The following XIRP2 variants were observed in gnomAD, a reference collection of about 807,000 sequenced individuals.
The protein encoded by XIRP2 is xin actin binding repeat containing 2, also known as xin actin-binding repeat-containing protein 2.
Under a neutral mutation model 277.0 loss-of-function variants are expected in XIRP2, and 236 were observed. The observed-to-expected ratio is 0.85, with a 90% CI of 0.77 to 0.95. XIRP2 has a LOEUF of 0.95. Ranked by LOEUF, XIRP2 falls within the 40% of genes least tolerant of loss-of-function variation. The probability of loss-of-function intolerance (pLI) is 0.00; values close to 1 mark genes in which losing one functional copy is unlikely to be tolerated. For missense variants in XIRP2, 4,640 were observed against 4,157.5 expected (o/e 1.12, Z -3.19); for synonymous variants, 1,490 against 1,416.5 (o/e 1.05, Z -1.17).
At chr2:166,934,826 G>C (rs1455272316) in intron 2 of XIRP2, among the ~76,000 whole-genome samples, 1 of 151,576 alleles carries the variant, frequency 6.6e-6, no homozygotes, top group Admixed American at 6.6e-5. Context: ...GGCCAGCACG[G>C]AGAAGCACTG....
chr2:167,219,179 ATTAT>A (rs1253626641), intron 5 of XIRP2, among the ~76,000 whole-genome samples: 3 of 152,176 alleles, frequency 2.0e-5, no homozygotes, highest in African/African-American at 4.8e-5. Context: ...TATGTGAAAG[ATTAT>A]TTGTTTCCTT....
At chr2:166,915,971 C>T (rs996092214) in intron 2 of XIRP2, among the ~76,000 whole-genome samples, 2 of 152,124 alleles carry the variant, frequency 1.3e-5, no homozygotes, top group Non-Finnish European at 2.9e-5. Context: ...TTGATTTAAT[C>T]TATTGCATAA....
chr2:167,180,757 C>A (rs1692987450), intron 3 of XIRP2, among the ~76,000 whole-genome samples: 1 of 152,150 alleles, frequency 6.6e-6, no homozygotes, highest in African/African-American at 2.4e-5. Flanking sequence ...CTTTATTCTA[C>A]CTTGTCCACT....
intron 4 of XIRP2, among the ~76,000 whole-genome samples, chr2:167,211,777 A>G (rs1694054054): frequency 6.6e-6 from 1 of 152,206 alleles, no homozygotes; most frequent in African/African-American, 2.4e-5. Context: ...ACTCTGCTAA[A>G]CCAATTATGA....
chr2:167,034,803 G>T (rs928915073), intron 2 of XIRP2, among the ~76,000 whole-genome samples: 9 of 152,156 alleles, frequency 5.9e-5, no homozygotes, highest in Non-Finnish European at 1.3e-4. Context: ...ATTATTTGTG[G>T]TAAAGAGATT....
rs1190305174 is a variant in XIRP2, at chr2:167,239,908, A to G, written c.912A>G (p.Ala304=). 1.9e-6 allele frequency: 3 copies of G among 1,609,138 alleles called. No homozygotes were observed. The South Asian group carries it at 3.3e-5, about 18-fold the overall frequency. Residue 304 remains alanine (A), a synonymous_variant, in exon 6 of 11, where the codon GCA becomes GCG. Transcript: ENST00000409195. ...VGTSRSSQEM[A]RNEQEGSKVQ... is the part of the protein sequence containing the mutation. ...CTTCAAGAAGCAGCCAGGAAATGGC[A>G]AGAAATGAACAAGAAGGGTCCAAAG...
chr2:167,167,326 A>C (rs150099908), intron 3 of XIRP2, among the ~76,000 whole-genome samples: 129 of 152,298 alleles, frequency 8.5e-4, no homozygotes, highest in African/African-American at 2.9e-3. Flanking sequence ...GACCACTGAC[A>C]TTCAAAGTGA....
chr2:167,005,262 G>C (rs551037454), intron 2 of XIRP2, among the ~76,000 whole-genome samples: 1 of 151,912 alleles, frequency 6.6e-6, no homozygotes, highest in East Asian at 1.9e-4. Context: ...GAAGAAACAA[G>C]AATATATTTT....
At chr2:167,135,078 C>T (rs1691504710) in intron 2 of XIRP2, among the ~76,000 whole-genome samples, 1 of 152,136 alleles carries the variant, frequency 6.6e-6, no homozygotes, top group Non-Finnish European at 1.5e-5. Flanking sequence ...AAATCTTTAA[C>T]TTATGTGTAG....
At chr2:167,078,201 A>T (rs1465502082) in intron 2 of XIRP2, among the ~76,000 whole-genome samples, 1 of 152,138 alleles carries the variant, frequency 6.6e-6, no homozygotes, top group Non-Finnish European at 1.5e-5. Flanking sequence ...CTCCTCAGTT[A>T]GATGTATTCC....
intron 2 of XIRP2, among the ~76,000 whole-genome samples, chr2:167,032,092 G>A (rs534918284): frequency 2.6e-5 from 4 of 152,178 alleles, no homozygotes; most frequent in African/African-American, 7.2e-5. Flanking sequence ...TATGGTACTG[G>A]TACCAAAACA....
intron 2 of XIRP2, among the ~76,000 whole-genome samples, chr2:166,945,571 T>C (rs1369518640): frequency 1.3e-5 from 2 of 151,588 alleles, no homozygotes; most frequent in African/African-American, 2.4e-5. Context: ...GTACTTTTAA[T>C]AGATTTGGTA....
chr2:166,994,957 C>T (rs926569205), intron 2 of XIRP2, among the ~76,000 whole-genome samples: 1 of 151,704 alleles, frequency 6.6e-6, no homozygotes, highest in Admixed American at 6.6e-5. Flanking sequence ...TCTCAGCTCA[C>T]TGCAACCTCC....
intron 2 of XIRP2, among the ~76,000 whole-genome samples, chr2:167,089,819 T>A (rs1035595571): frequency 2.0e-5 from 3 of 152,092 alleles, no homozygotes; most frequent in African/African-American, 7.3e-5. Context: ...CCCATTTGTT[T>A]ATGTATTATC....
At chr2:166,933,904 A>C (rs1283101140) in intron 2 of XIRP2, among the ~76,000 whole-genome samples, 1 of 152,124 alleles carries the variant, frequency 6.6e-6, no homozygotes, top group Non-Finnish European at 1.5e-5. Flanking sequence ...GTTGTTGACT[A>C]TTCCAGTGTT....
chr2:167,213,823 C>T (rs563872770), intron 4 of XIRP2, among the ~76,000 whole-genome samples: 5 of 152,270 alleles, frequency 3.3e-5, no homozygotes, highest in Non-Finnish European at 7.3e-5. Flanking sequence ...GAAACCTTAG[C>T]ACCGCCACTG....
intron 2 of XIRP2, among the ~76,000 whole-genome samples, chr2:167,116,845 A>G (rs1200185431): frequency 6.6e-6 from 1 of 152,258 alleles, no homozygotes; most frequent in Non-Finnish European, 1.5e-5. Flanking sequence ...ACTAGAGAAC[A>G]GCCAAATAAC....
chr2:167,030,459 A>T (rs902968691), intron 2 of XIRP2, among the ~76,000 whole-genome samples: 5 of 151,980 alleles, frequency 3.3e-5, no homozygotes, highest in Admixed American at 2.6e-4. Context: ...TTCTGCCTTA[A>T]TTTTGTTATG....
chr2:167,059,540 T>C (rs1450478543), intron 2 of XIRP2, among the ~76,000 whole-genome samples: 1 of 151,652 alleles, frequency 6.6e-6, no homozygotes, highest in Non-Finnish European at 1.5e-5. Flanking sequence ...AAAAGAGCAA[T>C]CATTCCATAA....
Sources: gnomAD v4.1 joint callset for allele counts (sites outside exome capture counted in the v4.1 genomes callset) on GRCh38, gnomAD v4.1.1 for gene constraint, MANE v1.5 for transcripts, NCBI Gene and HGNC (gene_info 2026-07-23, HGNC 2026-07-21) for gene names.